CPN1: variants seen among roughly 807,000 people sequenced by gnomAD.
CPN1 encodes the protein carboxypeptidase N catalytic chain.
Under a neutral mutation model 46.4 loss-of-function variants are expected in CPN1, and 37 were observed. The ratio of observed to expected loss-of-function variants is 0.80; its 90% CI spans 0.61 to 1.05. The LOEUF is 1.05. Ranked by LOEUF, CPN1 falls within the 50% of genes least tolerant of loss-of-function variation. The pLI is 0.00. For synonymous variants in CPN1, 224 were observed against 235.4 expected (o/e 0.95, Z 0.44); for missense variants, 563 against 602.6 (o/e 0.93, Z 0.69).
chr10:100,048,146 C>G (rs1012286309), intron 8 of CPN1, among the ~76,000 whole-genome samples: 5 of 152,140 alleles, frequency 3.3e-5, no homozygotes, highest in Non-Finnish European at 7.3e-5. Flanking sequence ...GAAGGAGGCA[C>G]TATTATTACC....
chr10:100,064,214 T>C (rs11818417), intron 4 of CPN1, among the ~76,000 whole-genome samples: 36,040 of 151,946 alleles, frequency 0.24, 5,333 homozygotes, highest in Non-Finnish European at 0.33. Context: ...GGAATATATT[T>C]GAACTCTATA....
At chr10:100,045,423 T>C (rs986245426) in intron 8 of CPN1, among the ~76,000 whole-genome samples, 3 of 152,232 alleles carry the variant, frequency 2.0e-5, no homozygotes, top group Non-Finnish European at 4.4e-5. Flanking sequence ...CTCTGTTTCC[T>C]GCAACTGTAA....
rs113303986 is a variant in CPN1 at position 100,061,351 on chromosome 10, G to A, written c.871+2263C>T. The stretch of plus-strand genomic sequence containing the variant: ...TATACCCCATAAATATATACACTTC[G>A]TATGTATCCATAAAAATTAAAAAAT... On this transcript the variant is annotated intron_variant, in intron 5 of 8. Transcript: ENST00000370418. Among the ~76,000 whole-genome samples, 292 of 152,186 alleles carry A rather than the reference G, an allele frequency of 1.9e-3. 2 individuals are homozygous for A. The highest frequency in any genetic ancestry group is 6.6e-3 in the African/African-American group (276 of 41,504).
At chr10:100,069,984 A>G in intron 2 of CPN1, 115 bp from the exon 3 acceptor site, 2 of 1,242,756 alleles carry the variant, frequency 1.6e-6, no homozygotes, top group Non-Finnish European at 2.3e-6. Context: ...GTGCAGTGGT[A>G]CAATCTTGGC....
intron 6 of CPN1, among the ~76,000 whole-genome samples, chr10:100,056,512 T>C (rs989204898): frequency 6.6e-6 from 1 of 152,182 alleles, no homozygotes. Context: ...TATTCATAAT[T>C]CACAGCATAT....
chr10:100,064,511 G>A (rs888953065), intron 4 of CPN1, among the ~76,000 whole-genome samples: 3 of 151,370 alleles, frequency 2.0e-5, no homozygotes, highest in African/African-American at 7.3e-5. Context: ...CTCCCAAGTA[G>A]CTGGGATTAC....
intron 4 of CPN1, among the ~76,000 whole-genome samples, chr10:100,063,933 T>C (rs937716633): frequency 2.0e-5 from 3 of 152,158 alleles, no homozygotes; most frequent in Non-Finnish European, 2.9e-5. Context: ...TATGTGTGAA[T>C]GCATGTGTGT....
intron 1 of CPN1, among the ~76,000 whole-genome samples, chr10:100,076,430 G>A (rs1458969136): frequency 6.6e-6 from 1 of 152,194 alleles, no homozygotes; most frequent in Non-Finnish European, 1.5e-5. Context: ...GATGGGAGAG[G>A]TTAAGTAACT....
intron 2 of CPN1, among the ~76,000 whole-genome samples, chr10:100,074,041 C>A (rs1373230588): frequency 6.6e-6 from 1 of 152,244 alleles, no homozygotes; most frequent in South Asian, 2.1e-4. Context: ...CCATCCCCCC[C>A]CCACAATACT....
At chr10:100,070,442 A>G (rs2041477560) in intron 2 of CPN1, among the ~76,000 whole-genome samples, 1 of 152,152 alleles carries the variant, frequency 6.6e-6, no homozygotes, top group Admixed American at 6.5e-5. Flanking sequence ...AGAACATGCC[A>G]TTGCACTACA....
At chr10:100,069,309 C>T (rs1393551957) in intron 3 of CPN1, among the ~76,000 whole-genome samples, 9 of 152,010 alleles carry the variant, frequency 5.9e-5, no homozygotes, top group Non-Finnish European at 1.3e-4. Context: ...GGTGAAACCC[C>T]GTCTCTACTA....
chr10:100,063,143 C>T (rs1489617444), intron 5 of CPN1, among the ~76,000 whole-genome samples: 1 of 151,540 alleles, frequency 6.6e-6, no homozygotes, highest in East Asian at 2.0e-4. Context: ...TTTTTCGAGA[C>T]GGAGTCTCAC....
intron 5 of CPN1, among the ~76,000 whole-genome samples, chr10:100,062,412 A>C (rs1464474538): frequency 1.3e-5 from 2 of 152,078 alleles, no homozygotes; most frequent in African/African-American, 4.8e-5. Flanking sequence ...GGTCCAGGGA[A>C]TGTATCTCAG....
intron 7 of CPN1, among the ~76,000 whole-genome samples, chr10:100,050,349 G>A (rs976083482): frequency 2.1e-5 from 3 of 140,956 alleles, no homozygotes; most frequent in African/African-American, 8.3e-5. Flanking sequence ...GCAAGATTCT[G>A]TCTCAAATAG....
chr10:100,071,216 G>A (rs1276477524), intron 2 of CPN1, among the ~76,000 whole-genome samples: 1 of 152,084 alleles, frequency 6.6e-6, no homozygotes, highest in Admixed American at 6.6e-5. Context: ...TTAGTATTAG[G>A]AAACTGTGTT....
chr10:100,042,725 A>G (rs2133421318), intron 8 of CPN1, 152 bp from the exon 9 acceptor site: 2 of 877,012 alleles, frequency 2.3e-6, no homozygotes, highest in South Asian at 2.8e-5. Context: ...ACGTTCCCCC[A>G]AAATTGGTAT....
intron 2 of CPN1, among the ~76,000 whole-genome samples, chr10:100,074,035 C>A (rs2041500569): frequency 1.2e-5 from 1 of 84,312 alleles, no homozygotes; most frequent in Non-Finnish European, 3.7e-5. Context: ...TGGGCCCCAT[C>A]CCCCCCCCAC....
At chr10:100,050,359 G>GAACA (rs55879334) in intron 7 of CPN1, among the ~76,000 whole-genome samples, 19 of 150,906 alleles carry the variant, frequency 1.3e-4, no homozygotes, top group East Asian at 9.7e-4. Context: ...GTCTCAAATA[G>GAACA]AACAAACAAA....
At chr10:100,056,652 C>T (rs868284420) in intron 6 of CPN1, among the ~76,000 whole-genome samples, 81 of 151,818 alleles carry the variant, frequency 5.3e-4, no homozygotes, top group African/African-American at 1.8e-3. Flanking sequence ...ACAAGACAAG[C>T]GATCCTCCCA....
Sources: allele counts gnomAD v4.1 joint callset (sites outside exome capture counted in the v4.1 genomes callset), GRCh38; gene constraint gnomAD v4.1.1; transcripts MANE v1.5; gene names NCBI Gene and HGNC (gene_info 2026-07-23, HGNC 2026-07-21).